C4orf51: variants seen among roughly 807,000 people sequenced by gnomAD.
The protein encoded by C4orf51 is chromosome 4 open reading frame 51, also known as uncharacterized protein C4orf51.
C4orf51 carries 25 observed loss-of-function variants against 25.2 expected under a neutral mutation model. The ratio of observed to expected loss-of-function variants is 0.99; its 90% CI spans 0.72 to 1.39. C4orf51 has a LOEUF of 1.39. Among genes scored for constraint, C4orf51 ranks in the 40% most tolerant of loss-of-function variants. The pLI is 0.00. For missense variants in C4orf51, 252 were observed against 239.6 expected (o/e 1.05, Z -0.34); for synonymous variants, 100 against 84.5 (o/e 1.18, Z -1.01).
At position 145,707,185 on chromosome 4, in the gene C4orf51, C is replaced by A. The variant is rs372146878; in HGVS notation, c.307+10553C>A. Among the ~76,000 whole-genome samples the A allele has an allele frequency of 3.9e-5, 6 of 152,218 alleles. No homozygotes were observed. In the South Asian group the frequency reaches 1.2e-3, roughly 32 times the overall value. ...CGATCCCCTGACCTCGTGATCCACC[C>A]GCCTCGGCCTCCCAAAGTGTTGGGA... On this transcript the variant is annotated intron_variant, in intron 2 of 5. Coordinates refer to ENST00000438731, the MANE Select transcript of C4orf51 (RefSeq NM_001080531.3).
At chr4:145,724,880 C>CAAAAAAAAAAAAAAAA (rs1222983724) in intron 2 of C4orf51, among the ~76,000 whole-genome samples, 7 of 68,318 alleles carry the variant, frequency 1.0e-4, no homozygotes, top group African/African-American at 1.7e-4. Context: ...AAGACTGTCT[C>CAAAAAAAAAAAAAAAA]AAAAAAAAAA....
At chr4:145,722,765 G>A (rs900513937) in intron 2 of C4orf51, among the ~76,000 whole-genome samples, 2 of 152,130 alleles carry the variant, frequency 1.3e-5, no homozygotes, top group Non-Finnish European at 2.9e-5. Context: ...CTGCATTTAT[G>A]GCCACTCCCC....
intron 2 of C4orf51, among the ~76,000 whole-genome samples, chr4:145,709,591 G>A (rs1468614032): frequency 6.6e-6 from 1 of 152,276 alleles, no homozygotes; most frequent in East Asian, 1.9e-4. Flanking sequence ...TGAAAACAAA[G>A]AGGTGGACTT....
rs372372985 is a variant in C4orf51, at chr4:145,753,578, TG to T, written n.168-624del. Among the ~76,000 whole-genome samples, 291 of 152,314 alleles carry T rather than the reference TG, an allele frequency of 1.9e-3. 2 individuals are homozygous for T. The highest frequency in any genetic ancestry group is 6.8e-3 in the African/African-American group (282 of 41,568). ...TACTCCTTGTCCAGCCCCATATTCCTGGGGGAGTTATATGCACAGAGAAGAT... is the reference window on the plus strand; with the variant it reads ...TACTCCTTGTCCAGCCCCATATTCCTGGGGAGTTATATGCACAGAGAAGAT... On this transcript the variant is annotated intron_variant and non_coding_transcript_variant, in intron 1 of 1. Transcript: ENST00000508981.
the C4orf51 span, among the ~76,000 whole-genome samples, chr4:145,777,601 A>T: frequency 0.086 from 13,051 of 152,216 alleles, 639 homozygotes; most frequent in Middle Eastern, 0.12. Context: ...TAATTCTTTA[A>T]CATCTTCCAC....
chr4:145,770,122 C>T (rs897221552), intron 1 of C4orf51, among the ~76,000 whole-genome samples: 1 of 151,960 alleles, frequency 6.6e-6, no homozygotes, highest in African/African-American at 2.4e-5. Flanking sequence ...AATGGCAAAA[C>T]CCCATCTCTA....
chr4:145,729,035 G>A (rs1732270600), intron 3 of C4orf51, 134 bp from the exon 4 acceptor site: 5 of 655,392 alleles, frequency 7.6e-6, no homozygotes, highest in Non-Finnish European at 1.4e-5. Context: ...CACTCACAGT[G>A]GTGGCTTTTG....
chr4:145,710,980 A>G (rs569136470), intron 2 of C4orf51, among the ~76,000 whole-genome samples: 1 of 152,304 alleles, frequency 6.6e-6, no homozygotes, highest in Non-Finnish European at 1.5e-5. Context: ...TAAAGCTGGC[A>G]TCTGGTACCA....
downstream of C4orf51, among the ~76,000 whole-genome samples, chr4:145,736,893 T>C (rs993756335): frequency 2.6e-5 from 4 of 152,286 alleles, no homozygotes; most frequent in African/African-American, 9.6e-5. Flanking sequence ...ACCTAGGATC[T>C]GTCATTAGAA....
chr4:145,752,164 A>G (rs1406972131), intron 1 of C4orf51, among the ~76,000 whole-genome samples: 1 of 152,182 alleles, frequency 6.6e-6, no homozygotes, highest in East Asian at 1.9e-4. Context: ...GCTGGTACCT[A>G]AGGTTCAAGA....
intron 2 of C4orf51, among the ~76,000 whole-genome samples, chr4:145,721,073 G>A (rs562837363): frequency 5.3e-5 from 8 of 152,188 alleles, no homozygotes; most frequent in Non-Finnish European, 7.3e-5. Flanking sequence ...ATGGCCAGGT[G>A]TGGTGGCTCA....
intron 2 of C4orf51, among the ~76,000 whole-genome samples, chr4:145,720,014 A>G (rs1240882871): frequency 6.6e-6 from 1 of 152,070 alleles, no homozygotes; most frequent in Non-Finnish European, 1.5e-5. Flanking sequence ...TGTTTTGATC[A>G]TGCCTCAGAG....
chr4:145,687,986 G>T (rs2126662144), intron 1 of C4orf51, among the ~76,000 whole-genome samples: 1 of 152,120 alleles, frequency 6.6e-6, no homozygotes, highest in African/African-American at 2.4e-5. Flanking sequence ...AGTTGAAAAT[G>T]ATGTAAAAAA....
intron 2 of C4orf51, among the ~76,000 whole-genome samples, chr4:145,711,487 C>G (rs1578971447): frequency 6.6e-6 from 1 of 151,608 alleles, no homozygotes; most frequent in African/African-American, 2.4e-5. Context: ...ATAAGTTTTC[C>G]ACTTCTTTCT....
downstream of C4orf51, among the ~76,000 whole-genome samples, chr4:145,736,044 C>G (rs1732786353): frequency 6.6e-6 from 1 of 152,052 alleles, no homozygotes; most frequent in Non-Finnish European, 1.5e-5. Context: ...CTCTCCTCCC[C>G]TAACCCCCTC....
At position 145,765,432 on chromosome 4, in the gene C4orf51, T is replaced by C; in HGVS notation, n.167-5556T>C. 1 of 1,264,226 alleles carries C rather than the reference T, an allele frequency of 7.9e-7. No individual in the cohort carries two copies. The allele number at this position is 1,264,226 out of a possible 1,614,324, so 78.3% of individuals were successfully genotyped here. On this transcript the variant is annotated intron_variant and non_coding_transcript_variant, in intron 1 of 1. Coordinates refer to the C4orf51 transcript ENST00000510096. The surrounding 1 kb of genome is among the most constrained non-coding windows in gnomAD (Gnocchi z 4.7). ...AACCTTTAGGTGAGGCCCAGCATAC[T>C]GCATCCTGGGCCTATTATCAGTTTT... is the stretch of plus-strand genomic sequence containing the variant.
chr4:145,683,376 G>T (rs532440018), intron 1 of C4orf51, among the ~76,000 whole-genome samples: 1 of 152,242 alleles, frequency 6.6e-6, no homozygotes, highest in East Asian at 1.9e-4. Context: ...AATCCAACAG[G>T]TTAGTTTCTG....
chr4:145,777,099 A>G, the C4orf51 span, among the ~76,000 whole-genome samples: 2 of 152,240 alleles, frequency 1.3e-5, no homozygotes, highest in Non-Finnish European at 2.9e-5. Context: ...AGAGAAGAAC[A>G]TGGAAAAAAG....
the C4orf51 span, among the ~76,000 whole-genome samples, chr4:145,789,894 T>C: frequency 6.6e-6 from 1 of 152,196 alleles, no homozygotes; most frequent in Non-Finnish European, 1.5e-5. Context: ...GAGAGAATGG[T>C]GGAATTTGGA....
Sources: allele counts gnomAD v4.1 joint callset (sites outside exome capture counted in the v4.1 genomes callset), GRCh38; gene constraint gnomAD v4.1.1; non-coding constraint Gnocchi (gnomAD v3.1); transcripts MANE v1.5; gene names NCBI Gene and HGNC (gene_info 2026-07-23, HGNC 2026-07-21).